Variants in SOCS7 observed in about 807,000 individuals in gnomAD.
The protein encoded by SOCS7 is suppressor of cytokine signaling 7.
A neutral mutation model predicts 58.9 loss-of-function variants in SOCS7; 18 were observed. The observed-to-expected ratio is 0.31, with a 90% CI of 0.21 to 0.45. The LOEUF is 0.45. Ranked by LOEUF, SOCS7 falls within the 20% of genes least tolerant of loss-of-function variation. The pLI is 1.00. For synonymous variants in SOCS7, 388 were observed against 364.3 expected (o/e 1.06, Z -0.74); for missense variants, 667 against 837.3 (o/e 0.80, Z 2.51).
At chr17:38,397,373 A>G (rs7225906) in intron 9 of SOCS7, among the ~76,000 whole-genome samples, 23,270 of 152,206 alleles carry the variant, frequency 0.15, 2,250 homozygotes, top group African/African-American at 0.27. Context: ...TTGCCAGTGC[A>G]TGACTGCTCC....
chr17:38,389,900 C>CATATATATATATATATATGT (rs1263290062), intron 7 of SOCS7, among the ~76,000 whole-genome samples: 307 of 20,172 alleles, frequency 0.015, 33 homozygotes, highest in African/African-American at 0.048. Flanking sequence ...TATATATATA[C>CATATATATATATATATATGT]ACATATAGAG....
intron 7 of SOCS7, among the ~76,000 whole-genome samples, chr17:38,385,351 A>G (rs867288884): frequency 2.6e-5 from 4 of 152,064 alleles, no homozygotes; most frequent in Middle Eastern, 3.5e-3. Flanking sequence ...ATTTCCTGTA[A>G]AATGGTAATT....
intron 2 of SOCS7, among the ~76,000 whole-genome samples, chr17:38,362,539 C>T (rs1342945956): frequency 6.6e-6 from 1 of 152,182 alleles, no homozygotes; most frequent in Non-Finnish European, 1.5e-5. Context: ...AAAAAAATCC[C>T]AATCTCAAAC....
intron 7 of SOCS7, 84 bp downstream of exon 7, chr17:38,377,926 C>T: frequency 7.2e-7 from 1 of 1,382,944 alleles, no homozygotes; most frequent in South Asian, 1.3e-5. Flanking sequence ...CCACAAAAGG[C>T]CATGGTTAAG....
intron 7 of SOCS7, among the ~76,000 whole-genome samples, chr17:38,391,039 T>C (rs2038166996): frequency 6.6e-6 from 1 of 152,166 alleles, no homozygotes; most frequent in Non-Finnish European, 1.5e-5. Flanking sequence ...TTTTGTTAAA[T>C]TTATTTTTTA....
At chr17:38,354,827 C>T (rs772787479) in intron 1 of SOCS7, among the ~76,000 whole-genome samples, 5 of 152,126 alleles carry the variant, frequency 3.3e-5, no homozygotes, top group Non-Finnish European at 2.9e-5. Flanking sequence ...ATTCCAGAGA[C>T]GCCAAATACG....
In SOCS7 at chr17:38,351,867, T is replaced by G. The variant is rs1351381429; in HGVS notation, c.-186T>G. Among the ~76,000 whole-genome samples, 2 of 147,672 alleles carry G rather than the reference T, an allele frequency of 1.4e-5. No homozygotes were observed. The highest frequency in any genetic ancestry group is 6.7e-5 in the Admixed American group (1 of 14,826). ...TCGGCTTGGGGGCGGTGCTCGGCGG[T>G]GGCGGAGCGCGGCCTGGGCTCGCGC... On this transcript the variant is annotated 5_prime_UTR_variant, in exon 1 of 10. Coordinates refer to ENST00000612932, the MANE Select transcript of SOCS7 (RefSeq NM_014598.4).
rs1436185834 is a variant in SOCS7 at position 38,404,767 on chromosome 17, C to G, written c.*5285C>G. 1 of 152,358 alleles carries G rather than the reference C, an allele frequency of 6.6e-6. No individual in the cohort carries two copies. The highest frequency in any genetic ancestry group is 1.5e-5 in the Non-Finnish European group (1 of 68,138). 9.4% of individuals were successfully genotyped at this position (152,358 alleles called of 1,614,324 possible). A position where few individuals can be genotyped will look rare whatever the true frequency, so the allele number is the denominator to read the frequency against. On this transcript the variant is annotated 3_prime_UTR_variant, in exon 10 of 10. Coordinates refer to ENST00000612932, the MANE Select transcript of SOCS7 (RefSeq NM_014598.4). The stretch of plus-strand genomic sequence containing the variant: ...GGAGCAGAAGCCTGCTCTCACTCCT[C>G]CATCTCTGGTGCTCCCTTGGGCGGG...
Position 38,400,185 on chromosome 17 carries a change from T to C in SOCS7, c.*703T>C, listed in dbSNP as rs2038300419. The C allele has an allele frequency of 6.6e-6, 1 of 152,220 alleles. No homozygotes were observed. Among genetic ancestry groups the C allele is most frequent in the African/African-American group, 2.4e-5 (1 of 41,456 alleles). The allele number at this position is 152,220 out of a possible 1,614,324, so 9.4% of individuals were successfully genotyped here. A position where few individuals can be genotyped will look rare whatever the true frequency, so the allele number is the denominator to read the frequency against. On this transcript the variant is annotated 3_prime_UTR_variant, in exon 10 of 10. Transcript: ENST00000612932. ...AACCTGAGTTCAGAAACACCTCTCATGGAAGCTGTACTAGTTGTGATTTAC... is the reference window on the plus strand; with the variant it reads ...AACCTGAGTTCAGAAACACCTCTCACGGAAGCTGTACTAGTTGTGATTTAC...
At chr17:38,383,693 C>T (rs538466839) in intron 7 of SOCS7, among the ~76,000 whole-genome samples, 1 of 152,190 alleles carries the variant, frequency 6.6e-6, no homozygotes, top group East Asian at 1.9e-4. Flanking sequence ...TATAGGCGCC[C>T]ACCATCACGC....
At chr17:38,361,901 T>C (rs2037725251) in intron 2 of SOCS7, 126 bp downstream of exon 2, 2 of 689,688 alleles carry the variant, frequency 2.9e-6, no homozygotes, top group Admixed American at 2.8e-5. Flanking sequence ...CTTCATTCCA[T>C]GCTTAGTGGG....
rs995000663 is a variant in SOCS7, at chr17:38,403,637, T to A, written c.*4155T>A. On this transcript the variant is annotated 3_prime_UTR_variant, in exon 10 of 10. Transcript: ENST00000612932. ...GTGTGTGTGTGTGTGTGTCCTCATT[T>A]GCAGAAGTCTTGCTACCAGTTAGGG... The A allele has an allele frequency of 6.6e-6, 1 of 152,240 alleles. No homozygotes were observed. Among genetic ancestry groups the A allele is most frequent in the Non-Finnish European group, 1.5e-5 (1 of 68,102 alleles). 9.4% of individuals were successfully genotyped at this position (152,240 alleles called of 1,614,324 possible).
At chr17:38,390,649 T>C (rs891403316) in intron 7 of SOCS7, among the ~76,000 whole-genome samples, 1 of 94,842 alleles carries the variant, frequency 1.1e-5, no homozygotes, top group Non-Finnish European at 2.4e-5. Context: ...TTTTCCTTCC[T>C]TCCTTCCTTC....
intron 9 of SOCS7, 106 bp downstream of exon 9, chr17:38,396,104 C>G (rs1024637733): frequency 1.1e-6 from 1 of 911,144 alleles, no homozygotes; most frequent in East Asian, 3.0e-5. Flanking sequence ...TGGATAGCCC[C>G]GATCCAGGCA....
chr17:38,369,837 TGGAGTGCA>T (rs1032144620), intron 6 of SOCS7, among the ~76,000 whole-genome samples: 2 of 151,620 alleles, frequency 1.3e-5, no homozygotes, highest in Non-Finnish European at 2.9e-5. Flanking sequence ...GTCACCAGGC[TGGAGTGCA>T]GTGGTGTGAT....
intron 1 of SOCS7, among the ~76,000 whole-genome samples, chr17:38,357,765 C>T (rs1349534019): frequency 6.6e-6 from 1 of 152,176 alleles, no homozygotes; most frequent in East Asian, 1.9e-4. Context: ...ATTTGGACAT[C>T]CTAGTTTGGA....
chr17:38,365,470 C>T, intron 4 of SOCS7, 61 bp downstream of exon 4: 1 of 1,075,762 alleles, frequency 9.3e-7, no homozygotes, highest in Non-Finnish European at 1.3e-6. Flanking sequence ...TACTTTCTAC[C>T]ATAGAAGGAT....
At chr17:38,362,300 G>T (rs2037730542) in intron 2 of SOCS7, among the ~76,000 whole-genome samples, 1 of 152,212 alleles carries the variant, frequency 6.6e-6, no homozygotes. Context: ...ATTTAAGTCT[G>T]CCCTCTTGCA....
chr17:38,398,107 TCCCAGGA>T (rs1405136934), intron 9 of SOCS7, among the ~76,000 whole-genome samples: 1 of 152,116 alleles, frequency 6.6e-6, no homozygotes, highest in Non-Finnish European at 1.5e-5. Context: ...TGAACTGAAC[TCCCAGGA>T]TCCCTTTTTG....
Sources: allele counts gnomAD v4.1 joint callset (sites outside exome capture counted in the v4.1 genomes callset), GRCh38; gene constraint gnomAD v4.1.1; transcripts MANE v1.5; gene names NCBI Gene and HGNC (gene_info 2026-07-23, HGNC 2026-07-21).